The following MED17 variants were observed in gnomAD, a reference collection of about 807,000 sequenced individuals.
The protein encoded by MED17 is mediator of RNA polymerase II transcription subunit 17.
Under a neutral mutation model 80.8 loss-of-function variants are expected in MED17, and 49 were observed. The observed-to-expected ratio is 0.61, with a 90% confidence interval of 0.48 to 0.77. The LOEUF is 0.77. Ranked by LOEUF, MED17 falls within the 30% of genes least tolerant of loss-of-function variation. The probability of loss-of-function intolerance (pLI) is 0.00; values close to 1 mark genes in which losing one functional copy is unlikely to be tolerated. For missense variants in MED17, 718 were observed against 787.0 expected, an observed-to-expected ratio of 0.91 and a Z score of 1.05; for synonymous variants, 281 against 280.4, an observed-to-expected ratio of 1.00 and a Z score of -0.02.
In MED17 at chr11:93,811,496, C is replaced by T. The variant is rs1591392659; in HGVS notation, c.1745-357C>T. 1.8e-5 allele frequency: 5 copies of T among 285,232 alleles called. No homozygotes were observed. In the South Asian group the frequency reaches 1.8e-4, roughly 10 times the overall value. The allele number at this position is 285,232 out of a possible 1,614,324, so 17.7% of individuals were successfully genotyped here. On this transcript the variant is annotated intron_variant, in intron 11 of 11. Coordinates refer to ENST00000251871, the MANE Select transcript of MED17 (RefSeq NM_004268.5). ...GACCAGCCCTGGCAACATAGAGAGA[C>T]CTTGTCTTTAACCGCCTCCCAAAAA...
At chr11:93,785,760 A>G (rs887942224) in intron 1 of MED17, among the ~76,000 whole-genome samples, 2 of 152,194 alleles carry the variant, frequency 1.3e-5, no homozygotes, top group African/African-American at 2.4e-5. Flanking sequence ...TAGTTCCAAC[A>G]TTTTTGGAGG....
chr11:93,797,509 G>A, intron 7 of MED17, 26 bp from the exon 8 acceptor site: 1 of 1,596,278 alleles, frequency 6.3e-7, no homozygotes, highest in Non-Finnish European at 8.6e-7. Flanking sequence ...GTGGATATTG[G>A]TATTTAAAAT....
rs566480827 is a variant in MED17 at position 93,804,325 on chromosome 11, G to A, written c.1466+2353G>A. ...ATGGTGCCCACCCAGATTAAGGGTGGGTCTGCCTTTCCCAGCCCACTGACT... is the reference window on the plus strand; with the variant it reads ...ATGGTGCCCACCCAGATTAAGGGTGAGTCTGCCTTTCCCAGCCCACTGACT... On this transcript the variant is annotated intron_variant, in intron 9 of 11. Coordinates refer to ENST00000251871, the MANE Select transcript of MED17 (RefSeq NM_004268.5). Among the ~76,000 whole-genome samples the A allele has an allele frequency of 4.6e-5, 7 of 151,934 alleles. No homozygotes were observed. In the South Asian group the frequency reaches 1.5e-3, roughly 32 times the overall value.
chr11:93,787,060 G>A (rs1943778207), intron 1 of MED17, among the ~76,000 whole-genome samples: 1 of 152,108 alleles, frequency 6.6e-6, no homozygotes, highest in Non-Finnish European at 1.5e-5. Flanking sequence ...CGGGGGAAAG[G>A]CAAGTAATAG....
At chr11:93,784,928 G>A (rs1264650062) in intron 1 of MED17, 165 bp downstream of exon 1, 10 of 974,290 alleles carry the variant, frequency 1.0e-5, no homozygotes, top group Non-Finnish European at 1.5e-5. Flanking sequence ...GTTGCTGCCG[G>A]ACAAGGTAGG....
intron 2 of MED17, 93 bp downstream of exon 2, chr11:93,788,260 T>C (rs1943790416): frequency 9.1e-7 from 1 of 1,099,708 alleles, no homozygotes; most frequent in African/African-American, 1.6e-5. Flanking sequence ...TTTTCCTTTC[T>C]TGCAAAATTA....
rs747654767 is a variant in MED17, at chr11:93,793,981, G to A, written c.805G>A (p.Gly269Ser). The A allele has an allele frequency of 1.2e-5, 19 of 1,613,856 alleles. No individual in the cohort carries two copies. Among genetic ancestry groups the A allele is most frequent in the Admixed American group, 1.0e-4 (6 of 59,974 alleles). ...VSIQKQAPDI[G>S]DLGTVNLFKR... ...AATACAAAAACAGGCTCCAGATATA[G>A]GTGACCTCGGCACAGTTAACCTCTT... The change falls in exon 5 of 12, where the codon GGT becomes AGT. Residue 269 changes from glycine (G) to serine (S), a missense_variant. Physicochemically the swap from Gly to Ser is moderately conservative, Grantham distance 56 (BLOSUM62 0). Transcript: ENST00000251871.
At position 93,784,447 on chromosome 11, in the gene MED17, GCCT is replaced by G. The variant is rs1591380384; in HGVS notation, c.-62_-60del. 6.5e-7 allele frequency: 1 copy of G among 1,535,206 alleles called. No individual in the cohort carries two copies. Among genetic ancestry groups the G allele is most frequent in the African/African-American group, 1.4e-5 (1 of 73,186 alleles). ...TGAGTTCCCGGCTCTCCGCAGGGAA[GCCT>G]CCTCTTCGTACCTCGTTTTTTGGCT... is the stretch of plus-strand genomic sequence containing the variant. On this transcript the variant is annotated 5_prime_UTR_variant, in exon 1 of 12. Transcript: ENST00000251871.
intron 10 of MED17, chr11:93,809,017 AAAG>A (rs1284296898): frequency 6.5e-6 from 1 of 154,504 alleles, no homozygotes; most frequent in Non-Finnish European, 1.4e-5. Context: ...ATCTATTTAC[AAAG>A]AAGTGGGTGT....
chr11:93,811,525 C>G, intron 11 of MED17: 1 of 305,528 alleles, frequency 3.3e-6, no homozygotes, highest in Non-Finnish European at 6.2e-6. Context: ...CCAAAAAAAG[C>G]TTTGTGTTTT....
chr11:93,800,448 G>A (rs966090525), intron 8 of MED17, among the ~76,000 whole-genome samples: 5 of 152,032 alleles, frequency 3.3e-5, no homozygotes, highest in Non-Finnish European at 5.9e-5. Context: ...GGCCAACATG[G>A]CGAAACCTCG....
intron 10 of MED17, chr11:93,808,776 A>G (rs1336324236): frequency 1.3e-5 from 2 of 152,092 alleles, no homozygotes; most frequent in Non-Finnish European, 2.9e-5. Context: ...ACAAAAATAT[A>G]TTAGAACACT....
intron 8 of MED17, among the ~76,000 whole-genome samples, chr11:93,798,000 C>T (rs1476381134): frequency 6.6e-6 from 1 of 152,186 alleles, no homozygotes; most frequent in Non-Finnish European, 1.5e-5. Flanking sequence ...TTCAGTAACC[C>T]AGCCGTGAGA....
At chr11:93,797,442 T>C (rs1048707701) in intron 7 of MED17, 93 bp from the exon 8 acceptor site, 19 of 1,248,606 alleles carry the variant, frequency 1.5e-5, no homozygotes, top group Non-Finnish European at 2.2e-5. Flanking sequence ...TCAAATCCAT[T>C]CCTTTCAGTG....
intron 8 of MED17, 130 bp downstream of exon 8, chr11:93,797,849 T>C: frequency 1.2e-6 from 1 of 805,320 alleles, no homozygotes; most frequent in Non-Finnish European, 2.0e-6. Context: ...GGTAAGAGTT[T>C]ATTTGCGGTC....
At position 93,809,932 on chromosome 11, in the gene MED17, T is replaced by G. The variant is rs76512986; in HGVS notation, c.1744+56T>G. On this transcript the variant is annotated intron_variant, in intron 11 of 11. Transcript: ENST00000251871. ...CCATTGGGAGTTTGGCTTTAACATT[T>G]AGTTTTAATAATTAAATATGGGTAA... The G allele has an allele frequency of 0.011, 16,414 of 1,558,210 alleles. 2,140 individuals carry two copies. The Admixed American group carries it at 0.24, about 23-fold the overall frequency.
chr11:93,785,341 A>G (rs1370802814), intron 1 of MED17, among the ~76,000 whole-genome samples: 1 of 152,238 alleles, frequency 6.6e-6, no homozygotes, highest in East Asian at 1.9e-4. Context: ...ATGCTTTCTA[A>G]TAAATGAATT....
At chr11:93,793,144 G>GTTTTTTTTTTTT (rs1943858780) in intron 3 of MED17, 1 of 29,284 alleles carries the variant, frequency 3.4e-5, no homozygotes, top group Non-Finnish European at 8.6e-5. Flanking sequence ...TTGAGACAGA[G>GTTTTTTTTTTTT]TTTCGCTCTT....
chr11:93,790,456 T>C (rs1002112891), intron 2 of MED17, 118 bp from the exon 3 acceptor site: 17 of 822,400 alleles, frequency 2.1e-5, no homozygotes, highest in African/African-American at 1.5e-4. Flanking sequence ...AACACTGTTA[T>C]GTGTACTTGC....
Sources: gnomAD v4.1 joint callset for allele counts (sites outside exome capture counted in the v4.1 genomes callset) on GRCh38, gnomAD v4.1.1 for gene constraint, MANE v1.5 for transcripts, NCBI Gene and HGNC (gene_info 2026-07-23, HGNC 2026-07-21) for gene names.